RASGRP1: variants seen among roughly 807,000 people sequenced by gnomAD.
RASGRP1 encodes the protein RAS guanyl-releasing protein 1.
Under a neutral mutation model 95.1 loss-of-function variants are expected in RASGRP1, and 37 were observed. That is an observed-to-expected ratio of 0.39 (90% CI 0.30 to 0.51). The LOEUF is 0.51. Among genes scored for constraint, RASGRP1 ranks in the 20% least tolerant of loss-of-function variants. RASGRP1 has a pLI of 0.80. For missense variants in RASGRP1, 711 were observed against 965.4 expected (o/e 0.74, Z 3.49); for synonymous variants, 325 against 353.4 (o/e 0.92, Z 0.90).
intron 12 of RASGRP1, among the ~76,000 whole-genome samples, chr15:38,501,821 A>G (rs1190898007): frequency 6.6e-6 from 1 of 152,060 alleles, no homozygotes; most frequent in Non-Finnish European, 1.5e-5. Context: ...ACTATTTATA[A>G]AGTGGCAGAT....
chr15:38,499,734 C>T (rs1429452835), intron 14 of RASGRP1, among the ~76,000 whole-genome samples: 1 of 152,172 alleles, frequency 6.6e-6, no homozygotes, highest in African/African-American at 2.4e-5. Context: ...CCATCCAAAC[C>T]TCACCTTGTA....
intron 6 of RASGRP1, among the ~76,000 whole-genome samples, chr15:38,513,812 A>G (rs1255299473): frequency 6.6e-6 from 1 of 152,104 alleles, no homozygotes; most frequent in Non-Finnish European, 1.5e-5. Flanking sequence ...TTCCCCAATT[A>G]TTTCCAACTC....
intron 2 of RASGRP1, among the ~76,000 whole-genome samples, chr15:38,548,312 C>T (rs1370472148): frequency 1.3e-5 from 2 of 152,052 alleles, no homozygotes; most frequent in Admixed American, 1.3e-4. Context: ...CCTGTAATCC[C>T]AATACTTTGG....
Position 38,499,012 on chromosome 15 carries a change from A to G in RASGRP1, c.1721-66T>C, listed in dbSNP as rs1168419357. 3.1e-6 allele frequency: 5 copies of G among 1,602,910 alleles called. No homozygotes were observed. The East Asian group carries it at 8.9e-5, about 29-fold the overall frequency. On this transcript the variant is annotated intron_variant, in intron 14 of 16. Coordinates refer to ENST00000310803, the MANE Select transcript of RASGRP1 (RefSeq NM_005739.4). The stretch of plus-strand genomic sequence containing the variant: ...TCTCTCTTCCCCAGTGTGTCTCACA[A>G]CCAAATTCATGCAGTGCTTTCTTGT...
chr15:38,538,243 G>A (rs534649413), intron 2 of RASGRP1, among the ~76,000 whole-genome samples: 14 of 152,222 alleles, frequency 9.2e-5, no homozygotes, highest in Non-Finnish European at 1.6e-4. Context: ...TAGCCTGGGG[G>A]ATAGAGCAAG....
Position 38,489,976 on chromosome 15 carries a change from A to C in RASGRP1, c.*578T>G, listed in dbSNP as rs1890507321. On this transcript the variant is annotated 3_prime_UTR_variant, in exon 17 of 17. Transcript: ENST00000310803. The stretch of plus-strand genomic sequence containing the variant: ...AAAAAGTTGTGGCTACATCAGTAGA[A>C]ATTGGCTTCTAGGTAGATATGCTCA... 1.3e-5 allele frequency: 2 copies of C among 152,464 alleles called. No individual in the cohort carries two copies. Among genetic ancestry groups the C allele is most frequent in the East Asian group, 3.9e-4 (2 of 5,186 alleles). 9.4% of individuals were successfully genotyped at this position (152,464 alleles called of 1,614,324 possible). A position where few individuals can be genotyped will look rare whatever the true frequency, so the allele number is the denominator to read the frequency against.
intron 8 of RASGRP1, 22 bp from the exon 9 acceptor site, chr15:38,508,023 T>C: frequency 6.3e-7 from 1 of 1,586,426 alleles, no homozygotes; most frequent in South Asian, 1.2e-5. Flanking sequence ...AACAGACCAA[T>C]CACAGGTACC....
At chr15:38,538,844 T>A (rs934841410) in intron 2 of RASGRP1, among the ~76,000 whole-genome samples, 2 of 152,202 alleles carry the variant, frequency 1.3e-5, no homozygotes, top group Non-Finnish European at 2.9e-5. Flanking sequence ...AGAACAAGGT[T>A]CTGAACTGAG....
chr15:38,512,688 A>T, intron 7 of RASGRP1, 95 bp downstream of exon 7: 1 of 1,483,916 alleles, frequency 6.7e-7, no homozygotes, highest in Non-Finnish European at 9.2e-7. Flanking sequence ...TTCAGGAGGG[A>T]AAAAACAGCT....
chr15:38,525,169 T>C (rs988672772), intron 3 of RASGRP1, among the ~76,000 whole-genome samples: 1 of 152,118 alleles, frequency 6.6e-6, no homozygotes, highest in East Asian at 1.9e-4. Flanking sequence ...GGTTTCACCA[T>C]GTTGGCCAGG....
intron 2 of RASGRP1, among the ~76,000 whole-genome samples, chr15:38,543,343 C>G (rs1054536668): frequency 2.6e-5 from 4 of 152,078 alleles, no homozygotes; most frequent in African/African-American, 9.7e-5. Context: ...GATCAACTGA[C>G]CGTATATGTA....
At chr15:38,541,310 T>C (rs1267978549) in intron 2 of RASGRP1, among the ~76,000 whole-genome samples, 2 of 152,116 alleles carry the variant, frequency 1.3e-5, no homozygotes, top group Non-Finnish European at 2.9e-5. Context: ...GTTAAATATT[T>C]TGAAGGCCAG....
intron 2 of RASGRP1, among the ~76,000 whole-genome samples, chr15:38,547,379 G>A (rs1893144348): frequency 6.6e-6 from 1 of 152,104 alleles, no homozygotes; most frequent in Non-Finnish European, 1.5e-5. Flanking sequence ...CCCTCTAAAA[G>A]CAGCCCTCAA....
At chr15:38,554,596 C>G (rs1893477707) in intron 2 of RASGRP1, among the ~76,000 whole-genome samples, 2 of 152,188 alleles carry the variant, frequency 1.3e-5, no homozygotes. Context: ...CTGGCAGTCA[C>G]TGAAACCCAT....
At position 38,490,589 on chromosome 15, in the gene RASGRP1, C is replaced by T; in HGVS notation, c.2359G>A (p.Val787Ile). Residue 787 changes from valine to isoleucine, a missense_variant, in exon 17 of 17, where the codon GTC (valine) becomes ATC (isoleucine). Physicochemically the swap from Val to Ile is conservative, Grantham distance 29. Around this residue, in one of 3 missense-constraint regions of RASGRP1, gnomAD observed 212 missense variants for 247.8 expected, o/e 0.86. Transcript: ENST00000310803. ...TCACCCTGCTCCATTTGAGCTAAGA[C>T]ATGATTGCTTTTTTCAAGCTGGAGG... ...ESLQLEKSNH[V>I]LAQMEQGDCS 1 of 1,612,964 alleles carries T rather than the reference C, an allele frequency of 6.2e-7. No individual in the cohort carries two copies. Among genetic ancestry groups the T allele is most frequent in the South Asian group, 1.1e-5 (1 of 91,008 alleles).
chr15:38,488,372 C>G lies in RASGRP1; in HGVS notation c.*2182G>C, dbSNP rs542124647. 2.0e-5 allele frequency: 3 copies of G among 148,740 alleles called. No homozygotes were observed. Among genetic ancestry groups the G allele is most frequent in the Non-Finnish European group, 4.4e-5 (3 of 67,444 alleles). The allele number at this position is 148,740 out of a possible 1,614,324, so 9.2% of individuals were successfully genotyped here. On this transcript the variant is annotated 3_prime_UTR_variant, in exon 17 of 17. Coordinates refer to ENST00000310803, the MANE Select transcript of RASGRP1 (RefSeq NM_005739.4). Reference sequence around the variant, plus strand: ...GTCGTGTGAGATGCAGAAATTTACACTAGGCTTGATAAGCCAAAGCCTTTT... The same window carrying G: ...GTCGTGTGAGATGCAGAAATTTACAGTAGGCTTGATAAGCCAAAGCCTTTT...
chr15:38,533,992 C>T (rs1387236491), intron 2 of RASGRP1, among the ~76,000 whole-genome samples: 2 of 152,240 alleles, frequency 1.3e-5, no homozygotes, highest in Non-Finnish European at 2.9e-5. Context: ...CTCCAGCATG[C>T]ACCCACAGCA....
chr15:38,543,081 G>A (rs1000294010), intron 2 of RASGRP1, among the ~76,000 whole-genome samples: 11 of 151,486 alleles, frequency 7.3e-5, no homozygotes, highest in African/African-American at 2.7e-4. Context: ...TTAGTCCTTT[G>A]TGTCCTGTCT....
intron 1 of RASGRP1, 51 bp from the exon 2 acceptor site, chr15:38,560,056 T>G: frequency 1.4e-6 from 2 of 1,460,280 alleles, no homozygotes; most frequent in Non-Finnish European, 1.9e-6. Flanking sequence ...CTCCACGCTC[T>G]GAAGGCAGAT....
Sources: allele counts gnomAD v4.1 joint callset (sites outside exome capture counted in the v4.1 genomes callset), GRCh38; gene constraint gnomAD v4.1.1; regional missense constraint gnomAD v4.1.1; transcripts MANE v1.5; gene names NCBI Gene and HGNC (gene_info 2026-07-23, HGNC 2026-07-21).